The following CDKL5 variants were observed in gnomAD, a reference collection of about 807,000 sequenced individuals.
CDKL5 encodes cyclin dependent kinase like 5.
Under a neutral mutation model 61.7 loss-of-function variants are expected in CDKL5, and 8 were observed. The ratio of observed to expected loss-of-function variants is 0.13; its 90% CI spans 0.08 to 0.23. The LOEUF (loss-of-function observed/expected upper bound fraction) is 0.23. Ranked by LOEUF, CDKL5 falls within the 10% of genes least tolerant of loss-of-function variation. The probability of loss-of-function intolerance (pLI) is 1.00; values close to 1 mark genes in which losing one functional copy is unlikely to be tolerated. For missense variants in CDKL5, 440 were observed against 734.5 expected (o/e 0.60, Z 4.63); for synonymous variants, 275 against 272.3 (o/e 1.01, Z -0.10).
chrX:18,428,009 TAGA>T (rs1931404410), intron 1 of CDKL5, among the ~76,000 whole-genome samples: 1 of 111,847 alleles, frequency 8.9e-6, no homozygotes. Context: ...AGATGGGTAA[TAGA>T]AGGTTGACTG....
intron 3 of CDKL5, among the ~76,000 whole-genome samples, chrX:18,553,467 T>TGC (rs746230882): frequency 2.4e-5 from 2 of 84,785 alleles, no homozygotes; most frequent in Admixed American, 2.4e-4. Flanking sequence ...TGTGTGTGCG[T>TGC]GTGTGTGTGT....
At chrX:18,518,766 T>C (rs1172984049) in intron 3 of CDKL5, among the ~76,000 whole-genome samples, 3 of 109,367 alleles carry the variant, frequency 2.7e-5, no homozygotes, top group Non-Finnish European at 3.8e-5. Context: ...TGAGATAAGA[T>C]GGTAGTTGAC....
In CDKL5 at chrX:18,638,438, TA is replaced by T. The variant is rs1475126188; in HGVS notation, c.*9683del. On this transcript the variant is annotated 3_prime_UTR_variant, in exon 18 of 18. Transcript: ENST00000623535. ...GAGTGAGTTTTTCCTACACTATGTATAATTTTTAATTGAAAGTTTCCCCCAC... is the reference window on the plus strand; with the variant it reads ...GAGTGAGTTTTTCCTACACTATGTATATTTTTAATTGAAAGTTTCCCCCAC... 1.8e-5 allele frequency: 2 copies of T among 112,273 alleles called. No individual in the cohort carries two copies. 9.3% of individuals were successfully genotyped at this position (112,273 alleles called of 1,213,427 possible). A position where few individuals can be genotyped will look rare whatever the true frequency, so the allele number is the denominator to read the frequency against.
chrX:18,531,160 G>A (rs183968097), intron 3 of CDKL5, among the ~76,000 whole-genome samples: 25 of 112,343 alleles, frequency 2.2e-4, no homozygotes, highest in African/African-American at 8.1e-4. Flanking sequence ...TAGAGGGACT[G>A]TCTTTGGCTG....
At chrX:18,468,915 A>G (rs919428650) in intron 1 of CDKL5, among the ~76,000 whole-genome samples, 1 of 111,839 alleles carries the variant, frequency 8.9e-6, no homozygotes, top group Non-Finnish European at 1.9e-5. Flanking sequence ...CTAACTATAG[A>G]ATACCTAATG....
intron 10 of CDKL5, 45 bp downstream of exon 10, chrX:18,595,473 T>C (rs1167507156): frequency 1.2e-6 from 1 of 867,691 alleles, no homozygotes. Context: ...TTTTGGTTTG[T>C]GGATTCTTTT....
rs1485485459 is a variant in CDKL5 at position 18,625,241 on chromosome X, G to C, written c.2490G>C (p.Gln830His). The C allele has an allele frequency of 8.3e-7, 1 of 1,206,252 alleles. No individual in the cohort carries two copies. Among genetic ancestry groups the C allele is most frequent in the Non-Finnish European group, 1.1e-6 (1 of 894,182 alleles). Residue 830 changes from glutamine to histidine, a missense_variant, in exon 17 of 18, where the codon CAG becomes CAC. Physicochemically the swap from Gln to His is conservative, Grantham distance 24 (BLOSUM62 0). Around this residue, in one of 2 missense-constraint regions of CDKL5, gnomAD observed 363 missense variants for 516.3 expected, o/e 0.70. Transcript: ENST00000623535. Reference sequence around the variant, plus strand: ...GCCCCGAGAAGATCTCAGATCTGCAGACCCAAGTGAGTGGATCCTGCACCA... The same window carrying C: ...GCCCCGAGAAGATCTCAGATCTGCACACCCAAGTGAGTGGATCCTGCACCA... Reference protein sequence around the residue: ...EWRPEKISDLQTQSQPLKSLR... With the variant: ...EWRPEKISDLHTQSQPLKSLR...
At chrX:18,608,674 G>T in intron 12 of CDKL5, 137 bp from the exon 13 acceptor site, 1 of 489,827 alleles carries the variant, frequency 2.0e-6, no homozygotes. Flanking sequence ...CACTTTTATG[G>T]GACTATTTGT....
At chrX:18,642,471 A>C (rs1927618982), downstream of CDKL5, among the ~76,000 whole-genome samples, 1 of 110,140 alleles carries the variant, frequency 9.1e-6, no homozygotes, top group Non-Finnish European at 1.9e-5. Context: ...CATATTGGAC[A>C]GTGCAGATGT....
chrX:18,504,044 G>A (rs2147089621), intron 1 of CDKL5, among the ~76,000 whole-genome samples: 1 of 111,576 alleles, frequency 9.0e-6, no homozygotes, highest in Non-Finnish European at 1.9e-5. Context: ...ACGAGCCACT[G>A]TGCCTGGCTA....
At position 18,630,281 on chromosome X, in the gene CDKL5, G is replaced by C. The variant is rs565884324; in HGVS notation, c.*1524G>C. 15 of 750,491 alleles carry C rather than the reference G, an allele frequency of 2.0e-5. No individual in the cohort carries two copies. The highest frequency in any genetic ancestry group is 2.2e-5 in the Non-Finnish European group (14 of 638,232). The allele number at this position is 750,491 out of a possible 1,213,427, so 61.8% of individuals were successfully genotyped here. On this transcript the variant is annotated 3_prime_UTR_variant, in exon 18 of 18. Coordinates refer to ENST00000623535, the MANE Select transcript of CDKL5 (RefSeq NM_001323289.2). Reference sequence around the variant, plus strand: ...ACTCCCAAGTATCATCAAACCCTTTGGCCATCAAGTGTTATCCTCCCATGC... The same window carrying C: ...ACTCCCAAGTATCATCAAACCCTTTCGCCATCAAGTGTTATCCTCCCATGC...
At chrX:18,468,736 AC>A (rs1832295390) in intron 1 of CDKL5, among the ~76,000 whole-genome samples, 1 of 111,450 alleles carries the variant, frequency 9.0e-6, no homozygotes, top group African/African-American at 3.3e-5. Flanking sequence ...CCCCAGTACT[AC>A]TAGCTACTTC....
At chrX:18,493,476 T>C (rs188148102) in intron 1 of CDKL5, among the ~76,000 whole-genome samples, 101 of 112,520 alleles carry the variant, frequency 9.0e-4, no homozygotes, top group African/African-American at 3.2e-3. Flanking sequence ...GGCCAGTCTT[T>C]GTTCTCCTCT....
chrX:18,431,874 A>G (rs773525549), intron 1 of CDKL5, among the ~76,000 whole-genome samples: 5 of 106,059 alleles, frequency 4.7e-5, no homozygotes, highest in Non-Finnish European at 9.6e-5. Flanking sequence ...TCTCCTGTCA[A>G]TGAGTTTTTT....
chrX:18,572,325 T>C (rs771831684), intron 4 of CDKL5, among the ~76,000 whole-genome samples: 1 of 112,240 alleles, frequency 8.9e-6, no homozygotes, highest in African/African-American at 3.2e-5. Context: ...GGTTTATTCA[T>C]TAGCAAAGTG....
chrX:18,455,603 T>C (rs951801413), intron 1 of CDKL5, among the ~76,000 whole-genome samples: 3 of 113,056 alleles, frequency 2.7e-5, no homozygotes, highest in African/African-American at 6.4e-5. Flanking sequence ...AGAGGCCTGC[T>C]GGAGGCCAGT....
At chrX:18,587,615 G>A (rs770531381) in intron 8 of CDKL5, 153 of 212,016 alleles carry the variant, frequency 7.2e-4, no homozygotes, top group African/African-American at 4.2e-3. Context: ...ACAATTATTT[G>A]GAAGCATTTC....
At chrX:18,562,186 A>G (rs992675520) in intron 3 of CDKL5, among the ~76,000 whole-genome samples, 14 of 111,917 alleles carry the variant, frequency 1.3e-4, no homozygotes, top group African/African-American at 4.5e-4. Context: ...GTGGGTGTAG[A>G]GTAAATATTC....
chrX:18,621,645 A>T (rs1926892534), intron 16 of CDKL5, among the ~76,000 whole-genome samples: 1 of 111,329 alleles, frequency 9.0e-6, no homozygotes, highest in Non-Finnish European at 1.9e-5. Context: ...ATCTACATGC[A>T]CAGAATATGT....
Sources: allele counts gnomAD v4.1 joint callset (sites outside exome capture counted in the v4.1 genomes callset), GRCh38; gene constraint gnomAD v4.1.1; regional missense constraint gnomAD v4.1.1; transcripts MANE v1.5; gene names NCBI Gene and HGNC (gene_info 2026-07-23, HGNC 2026-07-21).